Variants in CCDC171 observed in about 807,000 individuals in gnomAD.
CCDC171 encodes coiled-coil domain containing 171.
CCDC171 carries 177 observed loss-of-function variants against 168.2 expected under a neutral mutation model. That is an observed-to-expected ratio of 1.05 (90% CI 0.93 to 1.19). The LOEUF is 1.19. Among genes scored for constraint, CCDC171 ranks in the 50% most tolerant of loss-of-function variants. The pLI is 0.00. For missense variants in CCDC171, 1,991 were observed against 1,539.0 expected (o/e 1.29, Z -4.91); for synonymous variants, 687 against 540.8 (o/e 1.27, Z -3.75).
chr9:15,751,141 A>G (rs1264382737), intron 18 of CCDC171, among the ~76,000 whole-genome samples: 2 of 152,224 alleles, frequency 1.3e-5, no homozygotes, highest in Non-Finnish European at 2.9e-5. Context: ...ACAGTCCAAC[A>G]GAGAGCCAAA....
chr9:15,743,613 G>A (rs902730770), intron 16 of CCDC171, among the ~76,000 whole-genome samples: 6 of 152,188 alleles, frequency 3.9e-5, no homozygotes, highest in Non-Finnish European at 8.8e-5. Flanking sequence ...TGGATTGTAA[G>A]CAACTTGATT....
At chr9:15,629,475 G>C (rs527576593) in intron 7 of CCDC171, among the ~76,000 whole-genome samples, 2 of 152,200 alleles carry the variant, frequency 1.3e-5, no homozygotes, top group East Asian at 1.9e-4. Context: ...GAAGTTTAGA[G>C]AAAAAAGAAT....
chr9:16,103,296 C>T, the CCDC171 span, among the ~76,000 whole-genome samples: 10,985 of 152,198 alleles, frequency 0.072, 890 homozygotes, highest in African/African-American at 0.2. Flanking sequence ...TGGGAGTGGG[C>T]AAGGGATGGG....
At chr9:15,679,224 C>T (rs987341775) in intron 10 of CCDC171, among the ~76,000 whole-genome samples, 1 of 152,136 alleles carries the variant, frequency 6.6e-6, no homozygotes, top group Non-Finnish European at 1.5e-5. Flanking sequence ...GTAATTAATA[C>T]ATCTGATGAT....
intron 24 of CCDC171, among the ~76,000 whole-genome samples, chr9:15,881,363 G>A (rs1266296853): frequency 1.3e-5 from 2 of 151,986 alleles, no homozygotes; most frequent in Non-Finnish European, 2.9e-5. Flanking sequence ...CATAATAGAT[G>A]TACATGGTTT....
chr9:16,093,956 C>T, the CCDC171 span, among the ~76,000 whole-genome samples: 6 of 152,188 alleles, frequency 3.9e-5, no homozygotes, highest in African/African-American at 1.2e-4. Context: ...GAGTGCTCCC[C>T]GTTGGCCATG....
chr9:15,702,384 G>C (rs7868888), intron 11 of CCDC171, among the ~76,000 whole-genome samples: 152,147 of 152,154 alleles, frequency 1, 76,070 homozygotes, highest in Middle Eastern at 1. Context: ...ATTTACCATT[G>C]AAAAAATCCT....
chr9:15,605,018 C>T (rs2043119068), intron 6 of CCDC171, among the ~76,000 whole-genome samples: 1 of 152,090 alleles, frequency 6.6e-6, no homozygotes. Context: ...ACCTCAGCCT[C>T]CTTTGTATCT....
chr9:15,691,424 G>A (rs1327455283), intron 10 of CCDC171, among the ~76,000 whole-genome samples: 1 of 149,480 alleles, frequency 6.7e-6, no homozygotes, highest in Admixed American at 6.7e-5. Context: ...TTACCTGTGA[G>A]AATTGAATTA....
chr9:16,044,097 C>T (rs1564132952), intron 1 of CCDC171, among the ~76,000 whole-genome samples: 1 of 152,190 alleles, frequency 6.6e-6, no homozygotes, highest in Non-Finnish European at 1.5e-5. Flanking sequence ...TGTGTCTCCC[C>T]AATGGGCTGT....
At chr9:15,594,643 A>G (rs558250483) in intron 6 of CCDC171, among the ~76,000 whole-genome samples, 1 of 152,290 alleles carries the variant, frequency 6.6e-6, no homozygotes, top group African/African-American at 2.4e-5. Flanking sequence ...TTTGAAAATT[A>G]CTGATTACAT....
intron 18 of CCDC171, among the ~76,000 whole-genome samples, chr9:15,768,466 C>T (rs182686138): frequency 1.4e-3 from 207 of 152,262 alleles, no homozygotes; most frequent in Non-Finnish European, 2.3e-3. Context: ...TGGGTATCCA[C>T]GAGCCCACTC....
rs573803631 is a variant in CCDC171 at position 15,676,398 on chromosome 9, C to T, written c.1077-2360C>T. On this transcript the variant is annotated intron_variant, in intron 9 of 25. Coordinates refer to ENST00000380701, the MANE Select transcript of CCDC171 (RefSeq NM_173550.4). ...CTGTCAACTCGTCAAACTCATTCTC[C>T]ATCCGGTTTTGTTCTGTTGGTGGTG... Among the ~76,000 whole-genome samples the T allele has an allele frequency of 3.3e-5, 5 of 152,098 alleles. No individual in the cohort carries two copies. The East Asian group carries it at 7.8e-4, about 24-fold the overall frequency.
intron 7 of CCDC171, among the ~76,000 whole-genome samples, chr9:15,627,332 T>C (rs1183257053): frequency 6.6e-6 from 1 of 151,994 alleles, no homozygotes; most frequent in African/African-American, 2.4e-5. Flanking sequence ...TTCTGCTCTG[T>C]TCTTAATTTT....
intron 21 of CCDC171, among the ~76,000 whole-genome samples, chr9:15,798,491 C>T (rs546167490): frequency 5.3e-5 from 8 of 151,984 alleles, no homozygotes; most frequent in Non-Finnish European, 1.0e-4. Context: ...AGGTTTGTTA[C>T]ATAGGTATAC....
At chr9:15,782,032 C>T (rs1356714700) in intron 20 of CCDC171, among the ~76,000 whole-genome samples, 2 of 151,936 alleles carry the variant, frequency 1.3e-5, no homozygotes, top group South Asian at 2.1e-4. Context: ...AGTGTTGATA[C>T]CTAGGTGTGC....
chr9:16,007,155 T>C (rs1832727393), intron 3 of CCDC171, among the ~76,000 whole-genome samples: 1 of 152,214 alleles, frequency 6.6e-6, no homozygotes, highest in Admixed American at 6.5e-5. Context: ...ATCATTGTGG[T>C]TTTGATTTGC....
chr9:15,813,119 C>T (rs1418141595), intron 21 of CCDC171, among the ~76,000 whole-genome samples: 1 of 152,196 alleles, frequency 6.6e-6, no homozygotes, highest in African/African-American at 2.4e-5. Flanking sequence ...TTCTTCAAGC[C>T]CATTTCCTTC....
chr9:15,761,641 A>T (rs865802565), intron 18 of CCDC171, among the ~76,000 whole-genome samples: 2 of 151,806 alleles, frequency 1.3e-5, no homozygotes, highest in Non-Finnish European at 1.5e-5. Context: ...TTTGTTATTT[A>T]AAAAAAATTT....
Sources: allele counts gnomAD v4.1 joint callset (sites outside exome capture counted in the v4.1 genomes callset), GRCh38; gene constraint gnomAD v4.1.1; transcripts MANE v1.5; gene names NCBI Gene and HGNC (gene_info 2026-07-23, HGNC 2026-07-21).